FBN3: variants seen among roughly 807,000 people sequenced by gnomAD.
FBN3 encodes the protein fibrillin 3, also known as fibrillin-3.
FBN3 carries 234 observed loss-of-function variants against 330.1 expected under a neutral mutation model. The ratio of observed to expected loss-of-function variants is 0.71; its 90% CI spans 0.64 to 0.79. FBN3 has a LOEUF of 0.79. FBN3 is among the 30% of genes least tolerant of loss of function. FBN3 has a pLI of 0.00. For missense variants in FBN3, 3,606 were observed against 3,886.9 expected (o/e 0.93, Z 1.92); for synonymous variants, 1,458 against 1,517.3 (o/e 0.96, Z 0.91).
At chr19:8,124,466 G>C (rs950792339) in intron 22 of FBN3, among the ~76,000 whole-genome samples, 1 of 150,834 alleles carries the variant, frequency 6.6e-6, no homozygotes, top group Non-Finnish European at 1.5e-5. Flanking sequence ...GGCTGATCTC[G>C]AACTCAAGTG....
In FBN3 at chr19:8,090,774, G is replaced by A. The variant is rs927436095; in HGVS notation, c.6032-523C>T. 5.9e-5 allele frequency among the ~76,000 whole-genome samples: 9 copies of A among 151,786 alleles called. No individual in the cohort carries two copies. In the East Asian group the frequency reaches 7.8e-4, roughly 13 times the overall value. ...GCTGGTATTACAGTCATGAGCCACC[G>A]CCCCTGGCCTGCCCTGGGGTTTTGA... is the stretch of plus-strand genomic sequence containing the variant. On this transcript the variant is annotated intron_variant, in intron 48 of 63. Coordinates refer to ENST00000600128, the MANE Select transcript of FBN3 (RefSeq NM_032447.5).
At position 8,131,662 on chromosome 19, in the gene FBN3, AGCCCTTCTCGATG is replaced by A; in HGVS notation, c.1869_1881del (p.Ile624ProfsTer149). The A allele has an allele frequency of 6.2e-7, 1 of 1,614,134 alleles. No individual in the cohort carries two copies. Among genetic ancestry groups the A allele is most frequent in the Non-Finnish European group, 8.5e-7 (1 of 1,180,016 alleles). On this transcript the variant is annotated frameshift_variant, in exon 15 of 64. Coordinates refer to ENST00000600128, the MANE Select transcript of FBN3 (RefSeq NM_032447.5). LOFTEE classifies it high-confidence loss of function. This position sits in a 1 kb window ranked among gnomAD's most constrained non-coding sequence, Gnocchi z 4.5. The stretch of plus-strand genomic sequence containing the variant: ...GTGCCAGGGAAGGGGCGGGCACAGG[AGCCCTTCTCGATG>A]GCCCCATAGCAGGTGCTGCGCACGT...
chr19:8,091,956 T>C (rs1470116497), intron 47 of FBN3, among the ~76,000 whole-genome samples: 1 of 151,608 alleles, frequency 6.6e-6, no homozygotes, highest in Non-Finnish European at 1.5e-5. Context: ...TGGAGGCGGG[T>C]GGATCACCAG....
In FBN3 at chr19:8,131,145, G is replaced by T; in HGVS notation, c.2044+90C>A. 2.3e-6 allele frequency: 3 copies of T among 1,300,128 alleles called. No homozygotes were observed. The highest frequency in any genetic ancestry group is 2.1e-6 in the Non-Finnish European group (2 of 933,480). The allele number at this position is 1,300,128 out of a possible 1,614,324, so 80.5% of individuals were successfully genotyped here. A position where few individuals can be genotyped will look rare whatever the true frequency, so the allele number is the denominator to read the frequency against. On this transcript the variant is annotated intron_variant, in intron 16 of 63. Coordinates refer to ENST00000600128, the MANE Select transcript of FBN3 (RefSeq NM_032447.5). This position sits in a 1 kb window ranked among gnomAD's most constrained non-coding sequence, Gnocchi z 4.5. ...TGGGGCACTTTGTTACGGGAACCCC[G>T]GGCCAACTCCTACAGCCTCCCACCA...
chr19:8,096,629 T>G lies in FBN3; in HGVS notation c.5414-60A>C. 6.5e-7 allele frequency: 1 copy of G among 1,541,772 alleles called. No individual in the cohort carries two copies. Among genetic ancestry groups the G allele is most frequent in the Non-Finnish European group, 8.7e-7 (1 of 1,145,836 alleles). ...CCTACCACAGTGTTTGCCTGAGCTC[T>G]CCCTACTGCAATGGGGAAGCCAGAA... On this transcript the variant is annotated intron_variant, in intron 43 of 63. Transcript: ENST00000600128. The surrounding 1 kb of genome is among the most constrained non-coding windows in gnomAD (Gnocchi z 4.6).
At chr19:8,136,108 A>C (rs1418253748) in intron 12 of FBN3, 22 bp from the exon 13 acceptor site, 8 of 1,612,768 alleles carry the variant, frequency 5.0e-6, no homozygotes, top group Non-Finnish European at 6.8e-6. Context: ...GCAGGCGGGC[A>C]GTCAAGAGGT....
intron 38 of FBN3, among the ~76,000 whole-genome samples, chr19:8,104,397 G>A (rs2082394645): frequency 6.6e-6 from 1 of 151,430 alleles, no homozygotes; most frequent in Admixed American, 6.6e-5. Flanking sequence ...CCTGAGTCCA[G>A]GAGGTCAAGA....
intron 40 of FBN3, among the ~76,000 whole-genome samples, 176 bp downstream of exon 40, chr19:8,102,548 A>G (rs970395383): frequency 6.6e-6 from 1 of 152,118 alleles, no homozygotes; most frequent in African/African-American, 2.4e-5. Context: ...ATTACCCAGT[A>G]TCCAGTATTT....
intron 59 of FBN3, 151 bp downstream of exon 59, chr19:8,080,852 C>T: frequency 1.7e-6 from 1 of 601,356 alleles, no homozygotes; most frequent in South Asian, 1.9e-5. Context: ...GAACTCCTGA[C>T]CTCAGATGAT....
intron 24 of FBN3, among the ~76,000 whole-genome samples, chr19:8,122,799 G>C (rs567586626): frequency 2.0e-3 from 310 of 151,974 alleles, no homozygotes; most frequent in South Asian, 6.9e-3. Context: ...CGAGTAGCTG[G>C]GACTACAGGT....
At chr19:8,085,688 G>A (rs2144654445) in intron 55 of FBN3, 119 bp from the exon 56 acceptor site, 1 of 733,660 alleles carries the variant, frequency 1.4e-6, no homozygotes, top group Non-Finnish European at 2.2e-6. Context: ...GTGTCCAGGA[G>A]GGAGTTGGAT....
chr19:8,094,546 G>A lies in FBN3; in HGVS notation c.5805C>T (p.Ser1935=). 6.2e-7 allele frequency: 1 copy of A among 1,613,800 alleles called. No homozygotes were observed. The highest frequency in any genetic ancestry group is 1.3e-5 in the African/African-American group (1 of 75,054). ...KNCVDTNECL[S]LAGTCLPGTC... Reference sequence around the variant, plus strand: ...TGCCGGGTAGGCAGGTTCCTGCAAGGCTGAGGCACTCATTGGTGTCTGTGA... The same window carrying A: ...TGCCGGGTAGGCAGGTTCCTGCAAGACTGAGGCACTCATTGGTGTCTGTGA... The change falls in exon 47 of 64, where the codon AGC becomes AGT. Residue 1935 remains serine, a synonymous_variant. Coordinates refer to ENST00000600128, the MANE Select transcript of FBN3 (RefSeq NM_032447.5).
chr19:8,147,183 C>T lies in FBN3; in HGVS notation c.171G>A (p.Pro57=), dbSNP rs772446484. The T allele has an allele frequency of 2.0e-5, 31 of 1,567,132 alleles. No individual in the cohort carries two copies. Among genetic ancestry groups the T allele is most frequent in the Non-Finnish European group, 2.5e-5 (29 of 1,156,672 alleles). Reference sequence around the variant, plus strand: ...CATGGAACCGGGAGCCGCACACATTCGGCCTTCGGGGACAGCGAGATGGGT... The same window carrying T: ...CATGGAACCGGGAGCCGCACACATTTGGCCTTCGGGGACAGCGAGATGGGT... The part of the protein sequence containing the change: ...RRGSPGILQG[P]NVCGSRFHAY... Residue 57 remains proline, a synonymous_variant, in exon 3 of 64, where the codon CCG becomes CCA. Coordinates refer to ENST00000600128, the MANE Select transcript of FBN3 (RefSeq NM_032447.5).
intron 50 of FBN3, 69 bp downstream of exon 50, chr19:8,089,825 A>AC: frequency 2.0e-6 from 3 of 1,534,374 alleles, no homozygotes; most frequent in African/African-American, 2.7e-5. Context: ...AAACTCAGAG[A>AC]CCCAGGCAGT....
intron 63 of FBN3, among the ~76,000 whole-genome samples, chr19:8,071,250 C>T (rs770328174): frequency 6.6e-6 from 1 of 152,184 alleles, no homozygotes; most frequent in Non-Finnish European, 1.5e-5. Flanking sequence ...CCTCTCTGCA[C>T]ACCTTGATGG....
chr19:8,075,132 C>T lies in FBN3; in HGVS notation c.7641G>A (p.Gly2547=). The change falls in exon 61 of 64, where the codon GGG becomes GGA. Residue 2547 remains glycine, a synonymous_variant. Coordinates refer to ENST00000600128, the MANE Select transcript of FBN3 (RefSeq NM_032447.5). The stretch of plus-strand genomic sequence containing the variant: ...CCTGGGGGCAGCTGCAGCGGTAGCC[C>T]CCTAGCTGGTTCTGACAGCCATGCT... ...RCQHGCQNQL[G]GYRCSCPQGF... 3 of 1,584,762 alleles carry T rather than the reference C, an allele frequency of 1.9e-6. No individual in the cohort carries two copies. The highest frequency in any genetic ancestry group is 2.6e-6 in the Non-Finnish European group (3 of 1,164,690).
chr19:8,094,392 G>GAGAA (rs1156876521), intron 47 of FBN3, 54 bp downstream of exon 47: 2 of 1,564,314 alleles, frequency 1.3e-6, no homozygotes, highest in African/African-American at 2.7e-5. Flanking sequence ...TTTATGGATG[G>GAGAA]AGAAAGAGAG....
At chr19:8,092,190 C>T (rs1374988260) in intron 47 of FBN3, among the ~76,000 whole-genome samples, 1 of 147,754 alleles carries the variant, frequency 6.8e-6, no homozygotes, top group Non-Finnish European at 1.5e-5. Context: ...AAAAAAAAAA[C>T]CAAAAAACTA....
chr19:8,120,000 G>A (rs550518388), intron 25 of FBN3, among the ~76,000 whole-genome samples: 210 of 149,316 alleles, frequency 1.4e-3, no homozygotes, highest in African/African-American at 4.9e-3. Context: ...TTTAAATTTT[G>A]TGTAGAGACG....
Sources: gnomAD v4.1 joint callset for allele counts (sites outside exome capture counted in the v4.1 genomes callset) on GRCh38, gnomAD v4.1.1 for gene constraint, Gnocchi (gnomAD v3.1) non-coding constraint, MANE v1.5 for transcripts, NCBI Gene and HGNC (gene_info 2026-07-23, HGNC 2026-07-21) for gene names.